The following DOK5 variants were observed in gnomAD, a reference collection of about 807,000 sequenced individuals.
DOK5 encodes the protein docking protein 5.
In DOK5, 27 loss-of-function variants were observed where a neutral mutation model predicts 43.3. The observed-to-expected ratio is 0.62, with a 90% confidence interval of 0.46 to 0.86. The LOEUF (loss-of-function observed/expected upper bound fraction) is 0.86, where lower values mean the gene tolerates loss of function less well. Among genes scored for constraint, DOK5 ranks in the 40% least tolerant of loss-of-function variants. DOK5 has a pLI of 0.00. For missense variants in DOK5, 373 were observed against 392.9 expected (o/e 0.95, Z 0.43); for synonymous variants, 146 against 140.1 (o/e 1.04, Z -0.30).
intron 1 of DOK5, among the ~76,000 whole-genome samples, chr20:54,516,214 A>C (rs1983191845): frequency 6.6e-6 from 1 of 152,204 alleles, no homozygotes; most frequent in African/African-American, 2.4e-5. Context: ...TTAAATATGC[A>C]TAGGGAGAAA....
At chr20:54,566,052 C>G (rs1286479830) in intron 2 of DOK5, among the ~76,000 whole-genome samples, 1 of 150,618 alleles carries the variant, frequency 6.6e-6, no homozygotes, top group East Asian at 1.9e-4. Flanking sequence ...TTTCCATCAG[C>G]AAGAGGACTT....
chr20:54,563,956 G>A (rs1985004906), intron 2 of DOK5, among the ~76,000 whole-genome samples: 1 of 151,952 alleles, frequency 6.6e-6, no homozygotes, highest in Non-Finnish European at 1.5e-5. Flanking sequence ...TTCCCAGGAG[G>A]CAACATGTGG....
chr20:54,648,827 G>C (rs1979564475), intron 7 of DOK5, among the ~76,000 whole-genome samples: 1 of 152,274 alleles, frequency 6.6e-6, no homozygotes, highest in South Asian at 2.1e-4. Flanking sequence ...CGTTGCACAT[G>C]AGCACCGGAG....
intron 1 of DOK5, among the ~76,000 whole-genome samples, chr20:54,535,853 T>TA (rs1014676957): frequency 6.6e-6 from 1 of 151,996 alleles, no homozygotes; most frequent in Non-Finnish European, 1.5e-5. Context: ...CTGGACTTTT[T>TA]AAAAAAAATA....
At chr20:54,510,301 C>T (rs1284109011) in intron 1 of DOK5, among the ~76,000 whole-genome samples, 1 of 152,152 alleles carries the variant, frequency 6.6e-6, no homozygotes, top group Non-Finnish European at 1.5e-5. Context: ...TTAAGAGTCA[C>T]ACTTGACACT....
In DOK5 at chr20:54,506,729, G is replaced by C. The variant is rs147583440; in HGVS notation, c.66+30717G>C. Among the ~76,000 whole-genome samples the C allele has an allele frequency of 7.1e-3, 1,087 of 152,270 alleles. 18 individuals carry two copies. Among genetic ancestry groups the C allele is most frequent in the African/African-American group, 0.025 (1,044 of 41,548 alleles). On this transcript the variant is annotated intron_variant, in intron 1 of 7. Coordinates refer to ENST00000262593, the MANE Select transcript of DOK5 (RefSeq NM_018431.5). ...TCCCTCCTTGGCCTCTCAAAGTGCTGGGATTAGAGGTATCAGCCACTGCTC... is the reference window on the plus strand; with the variant it reads ...TCCCTCCTTGGCCTCTCAAAGTGCTCGGATTAGAGGTATCAGCCACTGCTC...
At chr20:54,479,975 G>T (rs1205675055) in intron 1 of DOK5, among the ~76,000 whole-genome samples, 2 of 151,848 alleles carry the variant, frequency 1.3e-5, no homozygotes, top group African/African-American at 4.8e-5. Context: ...GTCACCTCAC[G>T]CTATCCACTG....
intron 6 of DOK5, among the ~76,000 whole-genome samples, chr20:54,642,337 G>A (rs1022439627): frequency 2.0e-5 from 3 of 151,898 alleles, no homozygotes; most frequent in Admixed American, 6.6e-5. Flanking sequence ...ATGATTTGTC[G>A]ACAATACTTG....
At chr20:54,498,232 C>A (rs1429566591) in intron 1 of DOK5, among the ~76,000 whole-genome samples, 1 of 152,170 alleles carries the variant, frequency 6.6e-6, no homozygotes, top group Non-Finnish European at 1.5e-5. Context: ...GTGTCATTGT[C>A]AGAGACAGTG....
At chr20:54,481,466 G>A (rs185424451) in intron 1 of DOK5, among the ~76,000 whole-genome samples, 1 of 152,284 alleles carries the variant, frequency 6.6e-6, no homozygotes, top group African/African-American at 2.4e-5. Context: ...ACCGTGCCCG[G>A]CCTCAGACCA....
intron 1 of DOK5, among the ~76,000 whole-genome samples, chr20:54,533,395 T>C (rs1983847025): frequency 1.3e-5 from 2 of 152,242 alleles, no homozygotes; most frequent in Non-Finnish European, 2.9e-5. Flanking sequence ...ATTGTGTTTA[T>C]GAACTGGATG....
intron 6 of DOK5, among the ~76,000 whole-genome samples, chr20:54,622,790 A>T (rs1987022341): frequency 1.3e-5 from 2 of 152,124 alleles, no homozygotes; most frequent in African/African-American, 4.8e-5. Flanking sequence ...GGTGGTGAGT[A>T]ATCCTATTTC....
At chr20:54,606,260 A>G (rs914761690) in intron 5 of DOK5, among the ~76,000 whole-genome samples, 2 of 152,238 alleles carry the variant, frequency 1.3e-5, no homozygotes, top group Admixed American at 6.5e-5. Context: ...GAAATTAGAA[A>G]GGCCTAACTT....
chr20:54,536,618 A>C (rs529819101), intron 1 of DOK5, among the ~76,000 whole-genome samples: 62 of 152,256 alleles, frequency 4.1e-4, no homozygotes, highest in South Asian at 1.5e-3. Context: ...GGCACACACA[A>C]AAAAAAGTCC....
At chr20:54,635,683 C>T (rs1200366966) in intron 6 of DOK5, among the ~76,000 whole-genome samples, 1 of 152,158 alleles carries the variant, frequency 6.6e-6, no homozygotes, top group Non-Finnish European at 1.5e-5. Context: ...CAAGCTGTAG[C>T]CCAACCACCT....
At position 54,509,523 on chromosome 20, in the gene DOK5, G is replaced by A. The variant is rs149830908; in HGVS notation, c.66+33511G>A. Among the ~76,000 whole-genome samples the A allele has an allele frequency of 6.6e-3, 1,008 of 152,316 alleles. 6 individuals are homozygous for A. Among genetic ancestry groups the A allele is most frequent in the Middle Eastern group, 0.037 (11 of 294 alleles). On this transcript the variant is annotated intron_variant, in intron 1 of 7. Transcript: ENST00000262593. ...AAGATTTTAATATATTTTCATATATGATGGGAGGCCATTGCTGGGTTTTAA... is the reference window on the plus strand; with the variant it reads ...AAGATTTTAATATATTTTCATATATAATGGGAGGCCATTGCTGGGTTTTAA...
intron 6 of DOK5, among the ~76,000 whole-genome samples, chr20:54,615,899 C>T (rs35429527): frequency 2.3e-4 from 34 of 144,782 alleles, no homozygotes; most frequent in South Asian, 4.4e-4. Flanking sequence ...GACTCCATCT[C>T]AAAAAAAAAA....
chr20:54,621,905 G>A (rs577637805), intron 6 of DOK5, among the ~76,000 whole-genome samples: 1 of 151,794 alleles, frequency 6.6e-6, no homozygotes, highest in South Asian at 2.1e-4. Context: ...ATTAAAAGAA[G>A]CTAAATGGGC....
chr20:54,575,130 C>G (rs1985411650), intron 2 of DOK5, among the ~76,000 whole-genome samples: 1 of 152,178 alleles, frequency 6.6e-6, no homozygotes, highest in African/African-American at 2.4e-5. Flanking sequence ...TGTGGAAAAA[C>G]AGACAGATCT....
Sources: allele counts gnomAD v4.1 joint callset (sites outside exome capture counted in the v4.1 genomes callset), GRCh38; gene constraint gnomAD v4.1.1; transcripts MANE v1.5; gene names NCBI Gene and HGNC (gene_info 2026-07-23, HGNC 2026-07-21).